SOX6: variants seen among roughly 807,000 people sequenced by gnomAD.
SOX6 encodes transcription factor SOX-6.
A neutral mutation model predicts 97.8 loss-of-function variants in SOX6; 11 were observed. The observed-to-expected ratio is 0.11, with a 90% CI of 0.07 to 0.19. The LOEUF (loss-of-function observed/expected upper bound fraction) is 0.19, where lower values mean the gene tolerates loss of function less well. Ranked by LOEUF, SOX6 falls within the 10% of genes least tolerant of loss-of-function variation. The probability of loss-of-function intolerance (pLI) is 1.00; values close to 1 mark genes in which losing one functional copy is unlikely to be tolerated. For missense variants in SOX6, 810 were observed against 1,039.5 expected (o/e 0.78, Z 3.04); for synonymous variants, 360 against 371.4 (o/e 0.97, Z 0.35).
chr11:16,514,433 C>T (rs932654916), intron 4 of SOX6, among the ~76,000 whole-genome samples: 1 of 152,022 alleles, frequency 6.6e-6, no homozygotes, highest in African/African-American at 2.4e-5. Context: ...ATCTTGCTTT[C>T]CCTGCTATTA....
rs936339619 is a variant in SOX6, at chr11:16,370,029, C to A, written c.-4-28777G>T. Among the ~76,000 whole-genome samples the A allele has an allele frequency of 3.3e-5, 5 of 152,218 alleles. No individual in the cohort carries two copies. In the South Asian group the frequency reaches 1.0e-3, roughly 32 times the overall value. ...CCTAAGCCCCTCGCAAGTACCAGCA[C>A]CAGCTGGCCACCATCCTCTCAGTGA... On this transcript the variant is annotated intron_variant, in intron 1 of 15. Coordinates refer to the SOX6 transcript ENST00000396356.
chr11:16,560,406 T>C (rs1161826587), intron 4 of SOX6, among the ~76,000 whole-genome samples: 1 of 149,870 alleles, frequency 6.7e-6, no homozygotes, highest in African/African-American at 2.5e-5. Flanking sequence ...TATGTAAATA[T>C]ATACATATAT....
intron 4 of SOX6, among the ~76,000 whole-genome samples, chr11:16,571,555 T>G (rs1002238231): frequency 6.6e-6 from 1 of 152,158 alleles, no homozygotes; most frequent in Non-Finnish European, 1.5e-5. Flanking sequence ...CTCAGTCTCC[T>G]TAGCAGTTGA....
At chr11:16,002,733 A>C (rs1038429472) in intron 13 of SOX6, among the ~76,000 whole-genome samples, 5 of 152,162 alleles carry the variant, frequency 3.3e-5, no homozygotes, top group African/African-American at 1.2e-4. Flanking sequence ...CTTGGAGAAT[A>C]ATGAGGCTGG....
intron 3 of SOX6, among the ~76,000 whole-genome samples, chr11:16,637,260 G>A (rs747995886): frequency 2.6e-5 from 4 of 151,890 alleles, no homozygotes; most frequent in Admixed American, 6.6e-5. Context: ...TTGCTCTATC[G>A]CCCAGGCTGG....
chr11:16,342,154 T>C (rs1259888998), intron 1 of SOX6, among the ~76,000 whole-genome samples: 2 of 151,964 alleles, frequency 1.3e-5, no homozygotes, highest in East Asian at 3.9e-4. Context: ...AACGTCTCCA[T>C]TCTGTGCTCT....
intron 4 of SOX6, among the ~76,000 whole-genome samples, chr11:16,508,861 T>C (rs34310036): frequency 0.18 from 27,832 of 151,946 alleles, 2,602 homozygotes; most frequent in African/African-American, 0.22. Flanking sequence ...ATAGAAATGA[T>C]AAATACTTAA....
chr11:16,406,732 A>C (rs763610982), intron 1 of SOX6, among the ~76,000 whole-genome samples: 2 of 152,144 alleles, frequency 1.3e-5, no homozygotes, highest in Non-Finnish European at 2.9e-5. Context: ...AGAAGGAAGG[A>C]TAAAGAAGAA....
chr11:16,370,620 G>A (rs1370522749), intron 1 of SOX6, among the ~76,000 whole-genome samples: 2 of 151,914 alleles, frequency 1.3e-5, no homozygotes, highest in Non-Finnish European at 2.9e-5. Flanking sequence ...TCCATTTGGA[G>A]GTCTAACATG....
intron 4 of SOX6, among the ~76,000 whole-genome samples, chr11:16,545,818 G>A (rs1432507520): frequency 6.6e-6 from 1 of 152,118 alleles, no homozygotes; most frequent in Non-Finnish European, 1.5e-5. Flanking sequence ...CAAGTGTGAT[G>A]GTGCATGCTT....
intron 4 of SOX6, among the ~76,000 whole-genome samples, chr11:16,593,435 C>A (rs1848176346): frequency 6.6e-6 from 1 of 152,010 alleles, no homozygotes; most frequent in Non-Finnish European, 1.5e-5. Flanking sequence ...TAGACTATGT[C>A]TTTGGCCTTC....
chr11:16,342,024 G>A (rs972872391), intron 1 of SOX6, among the ~76,000 whole-genome samples: 13 of 151,844 alleles, frequency 8.6e-5, no homozygotes, highest in Admixed American at 5.3e-4. Flanking sequence ...TACAAGATTC[G>A]AAGCATTTAC....
At position 16,270,712 on chromosome 11, in the gene SOX6, T is replaced by C. The variant is rs1374245486; in HGVS notation, c.446-36041A>G. ...TAAGAAGGAGTGTAGTTTTGACACATGCTACAGCATAAATGAATCTTGAAA... is the reference window on the plus strand; with the variant it reads ...TAAGAAGGAGTGTAGTTTTGACACACGCTACAGCATAAATGAATCTTGAAA... On this transcript the variant is annotated intron_variant, in intron 3 of 15. Coordinates refer to ENST00000683767, the MANE Select transcript of SOX6 (RefSeq NM_001367873.1). Among the ~76,000 whole-genome samples, 3 of 151,220 alleles carry C rather than the reference T, an allele frequency of 2.0e-5. No homozygotes were observed. The East Asian group carries it at 5.8e-4, about 29-fold the overall frequency.
At chr11:16,254,365 T>C (rs1272165803) in intron 3 of SOX6, among the ~76,000 whole-genome samples, 4 of 152,116 alleles carry the variant, frequency 2.6e-5, no homozygotes, top group Non-Finnish European at 2.9e-5. Flanking sequence ...TGATTACATA[T>C]ACAGGTATAT....
At chr11:16,716,426 G>A (rs1381483573) in intron 2 of SOX6, among the ~76,000 whole-genome samples, 1 of 152,088 alleles carries the variant, frequency 6.6e-6, no homozygotes, top group Non-Finnish European at 1.5e-5. Flanking sequence ...CAGTATCCAT[G>A]TATCATTTTC....
chr11:16,702,185 A>G (rs370019082), intron 3 of SOX6, among the ~76,000 whole-genome samples: 1 of 152,212 alleles, frequency 6.6e-6, no homozygotes, highest in Admixed American at 6.5e-5. Flanking sequence ...AGAATAGTAA[A>G]TAATTCTGAT....
intron 1 of SOX6, among the ~76,000 whole-genome samples, chr11:16,444,011 C>CTA (rs1859563737): frequency 8.7e-6 from 1 of 115,470 alleles, no homozygotes; most frequent in African/African-American, 3.6e-5. Flanking sequence ...GACTCTGTCT[C>CTA]AAAAAAAAAA....
intron 4 of SOX6, among the ~76,000 whole-genome samples, chr11:16,561,896 T>C (rs1471233900): frequency 1.9e-5 from 1 of 51,748 alleles, no homozygotes; most frequent in Non-Finnish European, 4.1e-5. Flanking sequence ...ACCTGGCTAA[T>C]TTTTTTTTTT....
At chr11:16,728,592 A>T (rs1848325309) in intron 2 of SOX6, among the ~76,000 whole-genome samples, 1 of 152,236 alleles carries the variant, frequency 6.6e-6, no homozygotes, top group Non-Finnish European at 1.5e-5. Context: ...AACATCAAAG[A>T]CAAAAGGCAG....
Sources: allele counts gnomAD v4.1 joint callset (sites outside exome capture counted in the v4.1 genomes callset), GRCh38; gene constraint gnomAD v4.1.1; transcripts MANE v1.5; gene names NCBI Gene and HGNC (gene_info 2026-07-23, HGNC 2026-07-21).